The following OSBPL1A variants were observed in gnomAD, a reference collection of about 807,000 sequenced individuals.
OSBPL1A encodes the protein oxysterol binding protein like 1A, also known as oxysterol-binding protein-related protein 1.
A neutral mutation model predicts 137.1 loss-of-function variants in OSBPL1A; 80 were observed. That is an observed-to-expected ratio of 0.58 (90% CI 0.49 to 0.70). OSBPL1A has a LOEUF of 0.70. OSBPL1A is among the 30% of genes least tolerant of loss of function. OSBPL1A has a pLI of 0.00. For missense variants in OSBPL1A, 970 were observed against 1,129.4 expected (o/e 0.86, Z 2.02); for synonymous variants, 365 against 389.7 (o/e 0.94, Z 0.75).
rs552668427 is a variant in OSBPL1A, at chr18:24,267,162, AAAAG to A, written c.1281+13676_1281+13679del. Among the ~76,000 whole-genome samples, 591 of 151,690 alleles carry A rather than the reference AAAAG, an allele frequency of 3.9e-3. 3 individuals carry two copies. Among genetic ancestry groups the A allele is most frequent in the Non-Finnish European group, 5.9e-3 (402 of 67,850 alleles). On this transcript the variant is annotated intron_variant, in intron 15 of 27. Coordinates refer to ENST00000319481, the MANE Select transcript of OSBPL1A (RefSeq NM_080597.4). ...CAGATCCAACCTAAGTTAAAAAAAA[AAAAG>A]AAAGAAAATTATGAATACCTTTATA... is the stretch of plus-strand genomic sequence containing the variant.
At chr18:24,297,989 C>T (rs1341432036) in intron 14 of OSBPL1A, among the ~76,000 whole-genome samples, 1 of 152,114 alleles carries the variant, frequency 6.6e-6, no homozygotes. Context: ...TTCTAAATCA[C>T]AGGATAAGAT....
At chr18:24,179,943 A>C in intron 19 of OSBPL1A, 108 bp from the exon 20 acceptor site, 1 of 837,692 alleles carries the variant, frequency 1.2e-6, no homozygotes, top group South Asian at 1.5e-5. Context: ...TATTTTGAGG[A>C]GTTTCATTAC....
intron 17 of OSBPL1A, among the ~76,000 whole-genome samples, chr18:24,196,720 A>G (rs2087044390): frequency 6.6e-6 from 1 of 152,206 alleles, no homozygotes; most frequent in African/African-American, 2.4e-5. Context: ...AAAAATAAAT[A>G]AAAAGTAAAA....
chr18:24,232,985 A>G (rs1246461931), intron 16 of OSBPL1A, among the ~76,000 whole-genome samples: 1 of 152,220 alleles, frequency 6.6e-6, no homozygotes, highest in Non-Finnish European at 1.5e-5. Context: ...ATTTCAACCA[A>G]AATAGCATTA....
In OSBPL1A at chr18:24,184,167, A is replaced by G. The variant is rs181346258; in HGVS notation, c.1678-2888T>C. 7.2e-3 allele frequency among the ~76,000 whole-genome samples: 1,095 copies of G among 152,310 alleles called. 13 individuals carry two copies. The highest frequency in any genetic ancestry group is 8.1e-3 in the Non-Finnish European group (550 of 68,022). ...ATAGGGATTTCAAGTAGATTTCTCTAAAGTGGAGTTTCTGGGTCAAGAGCA... is the reference window on the plus strand; with the variant it reads ...ATAGGGATTTCAAGTAGATTTCTCTGAAGTGGAGTTTCTGGGTCAAGAGCA... On this transcript the variant is annotated intron_variant, in intron 18 of 27. Coordinates refer to ENST00000319481, the MANE Select transcript of OSBPL1A (RefSeq NM_080597.4).
At chr18:24,373,095 C>T (rs1568061661) in intron 2 of OSBPL1A, among the ~76,000 whole-genome samples, 1 of 152,078 alleles carries the variant, frequency 6.6e-6, no homozygotes, top group Non-Finnish European at 1.5e-5. Context: ...CAAGATCCTA[C>T]ATTTACTCTT....
Position 24,166,678 on chromosome 18 carries a change from T to C in OSBPL1A, c.2560A>G (p.Met854Val). 7 of 1,610,188 alleles carry C rather than the reference T, an allele frequency of 4.3e-6. No individual in the cohort carries two copies. The highest frequency in any genetic ancestry group is 1.3e-5 in the African/African-American group (1 of 74,722). ...TCTTTGTCTACTTCATTCAAAACCA[T>C]TGCAAAACTAGTAAAATTATACATC... ...AQMYNFTSFA[M>V]VLNEVDKDME... is the part of the protein sequence containing the mutation. The change falls in exon 26 of 28, where the codon ATG becomes GTG. Residue 854 changes from methionine (M) to valine (V), a missense_variant. Transcript: ENST00000319481.
chr18:24,363,767 G>A (rs549488581), intron 4 of OSBPL1A, among the ~76,000 whole-genome samples: 4 of 151,574 alleles, frequency 2.6e-5, no homozygotes, highest in South Asian at 2.1e-4. Flanking sequence ...TCAGCCTCCC[G>A]AGCAGTTGGG....
intron 1 of OSBPL1A, among the ~76,000 whole-genome samples, chr18:24,393,431 ATTTTAT>A (rs1907500704): frequency 6.6e-6 from 1 of 152,276 alleles, no homozygotes; most frequent in South Asian, 2.1e-4. Context: ...AATGCAACGT[ATTTTAT>A]TTTTATTTAT....
At chr18:24,340,772 C>T (rs949250427) in intron 5 of OSBPL1A, among the ~76,000 whole-genome samples, 2 of 152,074 alleles carry the variant, frequency 1.3e-5, no homozygotes, top group Non-Finnish European at 2.9e-5. Context: ...TGCCACTGCA[C>T]TCCAGCCTGG....
chr18:24,380,966 A>G (rs1306325469), intron 1 of OSBPL1A, among the ~76,000 whole-genome samples: 1 of 146,304 alleles, frequency 6.8e-6, no homozygotes, highest in African/African-American at 2.5e-5. Flanking sequence ...AAAAAAAAAA[A>G]AAGAAAAGAA....
intron 17 of OSBPL1A, among the ~76,000 whole-genome samples, chr18:24,200,601 G>C (rs557750950): frequency 4.2e-4 from 63 of 151,080 alleles, no homozygotes; most frequent in African/African-American, 1.5e-3. Flanking sequence ...CAGTTTCTCA[G>C]TCGTACTACC....
At chr18:24,376,977 C>T (rs908083994) in intron 2 of OSBPL1A, among the ~76,000 whole-genome samples, 3 of 152,350 alleles carry the variant, frequency 2.0e-5, no homozygotes, top group Admixed American at 1.3e-4. Flanking sequence ...CCTTCCACAC[C>T]TCCCTGCAAG....
intron 14 of OSBPL1A, among the ~76,000 whole-genome samples, chr18:24,289,787 A>G (rs533376496): frequency 7.3e-4 from 111 of 152,216 alleles, no homozygotes; most frequent in South Asian, 5.8e-3. Context: ...TGGTTTTTAC[A>G]AGCTCTGTGA....
chr18:24,324,604 A>T (rs555871800), intron 7 of OSBPL1A, among the ~76,000 whole-genome samples: 1,515 of 13,560 alleles, frequency 0.11, 383 homozygotes, highest in Middle Eastern at 0.2. Context: ...ATATGAATAT[A>T]AAAAAAAAAA....
chr18:24,279,105 G>A (rs1405537261), intron 15 of OSBPL1A, among the ~76,000 whole-genome samples: 1 of 152,010 alleles, frequency 6.6e-6, no homozygotes, highest in Non-Finnish European at 1.5e-5. Context: ...GCTACATATA[G>A]CAAACACAGC....
Position 24,166,483 on chromosome 18 carries a change from T to C in OSBPL1A, c.2659+96A>G. On this transcript the variant is annotated intron_variant, in intron 26 of 27. Transcript: ENST00000319481. ...AATCTCTAAGAGAGACTAAAAACGC[T>C]AGTACCCCAATGATGCTAACAATCA... The C allele has an allele frequency of 2.1e-6, 3 of 1,434,846 alleles. No homozygotes were observed. The South Asian group carries it at 4.3e-5, about 21-fold the overall frequency. 88.9% of individuals were successfully genotyped at this position (1,434,846 alleles called of 1,614,324 possible). A position where few individuals can be genotyped will look rare whatever the true frequency, so the allele number is the denominator to read the frequency against.
chr18:24,178,036 T>G lies in OSBPL1A; in HGVS notation c.2070A>C (p.Gly690=), dbSNP rs2145919840. 1 of 1,613,926 alleles carries G rather than the reference T, an allele frequency of 6.2e-7. No homozygotes were observed. The highest frequency in any genetic ancestry group is 2.2e-5 in the East Asian group (1 of 44,858). The change falls in exon 21 of 28, where the codon GGA becomes GGC. Residue 690 remains glycine (G), a synonymous_variant. Transcript: ENST00000319481. ...ACTCAAGGAGCTCCAAGGTGATGGTTCCTTTGGGTTCTGCTTCTACACTCT... is the reference window on the plus strand; with the variant it reads ...ACTCAAGGAGCTCCAAGGTGATGGTGCCTTTGGGTTCTGCTTCTACACTCT... ...WGKSVEAEPK[G]TITLELLEHN... is the part of the protein sequence containing the mutation.
chr18:24,381,881 A>C (rs1035588344), intron 1 of OSBPL1A, among the ~76,000 whole-genome samples: 13 of 151,772 alleles, frequency 8.6e-5, no homozygotes, highest in African/African-American at 3.1e-4. Flanking sequence ...GAATCGCTTG[A>C]ACCCGGGAGG....
Sources: gnomAD v4.1 joint callset for allele counts (sites outside exome capture counted in the v4.1 genomes callset) on GRCh38, gnomAD v4.1.1 for gene constraint, MANE v1.5 for transcripts, NCBI Gene and HGNC (gene_info 2026-07-23, HGNC 2026-07-21) for gene names.